The following NCOA2 variants were observed in gnomAD, a reference collection of about 807,000 sequenced individuals.
NCOA2 encodes the protein nuclear receptor coactivator 2.
In NCOA2, 21 loss-of-function variants were observed where a neutral mutation model predicts 145.1. That is an observed-to-expected ratio of 0.14 (90% CI 0.10 to 0.21). NCOA2 has a LOEUF of 0.21. Ranked by LOEUF, NCOA2 falls within the 10% of genes least tolerant of loss-of-function variation. The probability of loss-of-function intolerance (pLI) is 1.00; values close to 1 mark genes in which losing one functional copy is unlikely to be tolerated. For synonymous variants in NCOA2, 619 were observed against 637.5 expected (o/e 0.97, Z 0.44); for missense variants, 1,472 against 1,837.6 (o/e 0.80, Z 3.64).
At chr8:70,160,976 C>T (rs1232224577) in intron 9 of NCOA2, among the ~76,000 whole-genome samples, 1 of 152,150 alleles carries the variant, frequency 6.6e-6, no homozygotes, top group Admixed American at 6.5e-5. Context: ...CAGAATTTTA[C>T]CTGACCTTGG....
intron 2 of NCOA2, among the ~76,000 whole-genome samples, chr8:70,244,252 G>A (rs1466528284): frequency 6.6e-6 from 1 of 152,054 alleles, no homozygotes; most frequent in African/African-American, 2.4e-5. Context: ...ATCATTCTCC[G>A]AATATATGTT....
the NCOA2 span, among the ~76,000 whole-genome samples, chr8:70,426,269 G>A: frequency 6.6e-6 from 1 of 152,092 alleles, no homozygotes; most frequent in African/African-American, 2.4e-5. Flanking sequence ...ATGTGTATAT[G>A]ATATGACACT....
the NCOA2 span, among the ~76,000 whole-genome samples, chr8:70,449,388 A>G: frequency 3.3e-5 from 5 of 152,232 alleles, no homozygotes; most frequent in African/African-American, 1.2e-4. Context: ...TCAAATTACA[A>G]TAATCCAGAG....
At chr8:70,133,168 C>A (rs1000259029) in intron 15 of NCOA2, among the ~76,000 whole-genome samples, 8 of 144,880 alleles carry the variant, frequency 5.5e-5, no homozygotes, top group Non-Finnish European at 7.5e-5. Flanking sequence ...GTAGCTAGGA[C>A]TATAGGTGTG....
chr8:70,145,636 T>A (rs966904862), intron 12 of NCOA2, among the ~76,000 whole-genome samples: 11 of 144,562 alleles, frequency 7.6e-5, no homozygotes, highest in South Asian at 2.2e-4. Context: ...TTTTTTTTTT[T>A]AATACAGGGT....
upstream of NCOA2, among the ~76,000 whole-genome samples, chr8:70,404,426 C>T (rs1047025475): frequency 2.0e-5 from 3 of 152,186 alleles, no homozygotes; most frequent in Non-Finnish European, 4.4e-5. Context: ...CCCGTCCGGC[C>T]GGACCCTTCG....
intron 22 of NCOA2, among the ~76,000 whole-genome samples, chr8:70,113,851 G>A (rs536941080): frequency 6.6e-6 from 1 of 152,284 alleles, no homozygotes; most frequent in South Asian, 2.1e-4. Flanking sequence ...GAGCCAAGGA[G>A]GAGCCCAGCG....
intron 1 of NCOA2, among the ~76,000 whole-genome samples, chr8:70,333,548 C>T (rs751044070): frequency 6.6e-6 from 1 of 152,194 alleles, no homozygotes; most frequent in Non-Finnish European, 1.5e-5. Context: ...CATGAATACA[C>T]ATCAGCAGCA....
chr8:70,215,820 A>G (rs1216572194), intron 3 of NCOA2, among the ~76,000 whole-genome samples: 1 of 152,254 alleles, frequency 6.6e-6, no homozygotes, highest in Non-Finnish European at 1.5e-5. Flanking sequence ...ATCCTAAAAC[A>G]ATACACATTC....
chr8:70,373,611 T>G (rs1430497872), intron 1 of NCOA2, among the ~76,000 whole-genome samples: 1 of 152,210 alleles, frequency 6.6e-6, no homozygotes, highest in Non-Finnish European at 1.5e-5. Context: ...AAGAAATCCT[T>G]GCCTAACCAA....
intron 7 of NCOA2, among the ~76,000 whole-genome samples, chr8:70,164,982 A>G (rs910923353): frequency 6.6e-6 from 1 of 152,184 alleles, no homozygotes; most frequent in Non-Finnish European, 1.5e-5. Context: ...CAAAGCCAGG[A>G]TTAGAATCTG....
intron 2 of NCOA2, among the ~76,000 whole-genome samples, chr8:70,253,563 G>GA (rs113739668): frequency 0.068 from 10,329 of 151,666 alleles, 454 homozygotes; most frequent in East Asian, 0.16. Context: ...ATACCGCCCA[G>GA]AAAAAAACAA....
the NCOA2 span, among the ~76,000 whole-genome samples, chr8:70,450,856 C>T: frequency 5.0e-4 from 75 of 151,302 alleles, no homozygotes; most frequent in African/African-American, 1.8e-3. Context: ...CATGAGCCAC[C>T]GTGCCTGGCC....
At chr8:70,257,435 T>A (rs1216474891) in intron 2 of NCOA2, among the ~76,000 whole-genome samples, 2 of 152,176 alleles carry the variant, frequency 1.3e-5, no homozygotes, top group Non-Finnish European at 2.9e-5. Context: ...TTTGCCCTCC[T>A]GACCTAACAA....
rs1354279314 is a variant in NCOA2, at chr8:70,214,008, A to G, written c.154T>C (p.Leu52=). The change falls in exon 4 of 23, where the codon TTG becomes CTG. Residue 52 remains leucine, a synonymous_variant. Coordinates refer to ENST00000452400, the MANE Select transcript of NCOA2 (RefSeq NM_006540.4). ...ATATCATTAAAATTTGCAAAAATCAACTCTGCAAGTTCTTCTATATATTTA... is the reference window on the plus strand; with the variant it reads ...ATATCATTAAAATTTGCAAAAATCAGCTCTGCAAGTTCTTCTATATATTTA... The part of the protein sequence containing the change: ...ENKYIEELAE[L]IFANFNDIDN... 1.9e-6 allele frequency: 3 copies of G among 1,612,818 alleles called. No homozygotes were observed. Among genetic ancestry groups the G allele is most frequent in the South Asian group, 2.2e-5 (2 of 90,660 alleles).
intron 4 of NCOA2, among the ~76,000 whole-genome samples, chr8:70,194,307 T>C (rs764258369): frequency 4.6e-5 from 7 of 152,234 alleles, no homozygotes; most frequent in South Asian, 2.1e-4. Context: ...GTCTTGTATA[T>C]AGCTAAGCAC....
intron 2 of NCOA2, among the ~76,000 whole-genome samples, chr8:70,239,102 A>G (rs566356623): frequency 6.6e-6 from 1 of 152,286 alleles, no homozygotes; most frequent in African/African-American, 2.4e-5. Context: ...GTACTCTGAT[A>G]ACATTTCTAA....
chr8:70,284,670 G>A (rs904026742), intron 2 of NCOA2, among the ~76,000 whole-genome samples: 1 of 152,096 alleles, frequency 6.6e-6, no homozygotes, highest in African/African-American at 2.4e-5. Context: ...ACAAATGAGG[G>A]AGAACGTGTG....
chr8:70,207,680 A>G (rs994534231), intron 4 of NCOA2, among the ~76,000 whole-genome samples: 1 of 151,822 alleles, frequency 6.6e-6, no homozygotes, highest in Non-Finnish European at 1.5e-5. Flanking sequence ...CCTGACCAAC[A>G]TGGTGAAACC....
Sources: gnomAD v4.1 joint callset for allele counts (sites outside exome capture counted in the v4.1 genomes callset) on GRCh38, gnomAD v4.1.1 for gene constraint, MANE v1.5 for transcripts, NCBI Gene and HGNC (gene_info 2026-07-23, HGNC 2026-07-21) for gene names.